ZNF532: variants seen among roughly 807,000 people sequenced by gnomAD.
The protein encoded by ZNF532 is zinc finger protein 532.
A neutral mutation model predicts 89.3 loss-of-function variants in ZNF532; 22 were observed. That is an observed-to-expected ratio of 0.25 (90% CI 0.18 to 0.35). The LOEUF (loss-of-function observed/expected upper bound fraction) is 0.35. Ranked by LOEUF, ZNF532 falls within the 10% of genes least tolerant of loss-of-function variation. The pLI is 1.00. For synonymous variants in ZNF532, 606 were observed against 649.6 expected (o/e 0.93, Z 1.02); for missense variants, 1,132 against 1,643.4 (o/e 0.69, Z 5.38).
rs1361025874 is a variant in ZNF532, at chr18:58,939,634, G to A, written c.2705+13G>A. ...TAGGAGAACCAAAGTAAGTCATACCGACTTTCAAGTTTTACTCCACTGCTT... is the reference window on the plus strand; with the variant it reads ...TAGGAGAACCAAAGTAAGTCATACCAACTTTCAAGTTTTACTCCACTGCTT... On this transcript the variant is annotated intron_variant, in intron 5 of 9. Coordinates refer to ENST00000591808, the MANE Select transcript of ZNF532 (RefSeq NM_001375912.1). The A allele has an allele frequency of 1.2e-6, 2 of 1,604,242 alleles. No individual in the cohort carries two copies. Among genetic ancestry groups the A allele is most frequent in the Admixed American group, 1.7e-5 (1 of 57,988 alleles).
intron 2 of ZNF532, among the ~76,000 whole-genome samples, chr18:58,905,322 A>G (rs2145755258): frequency 6.6e-6 from 1 of 152,212 alleles, no homozygotes; most frequent in East Asian, 1.9e-4. Context: ...CTTTGGAAGT[A>G]AAAGGATTAT....
At chr18:58,970,685 T>G (rs146817624) in intron 7 of ZNF532, among the ~76,000 whole-genome samples, 17 of 152,340 alleles carry the variant, frequency 1.1e-4, no homozygotes, top group African/African-American at 3.6e-4. Flanking sequence ...TTAATAAAGA[T>G]GTACCCAGTG....
At chr18:58,886,170 A>C (rs1446203991) in intron 2 of ZNF532, among the ~76,000 whole-genome samples, 1 of 151,916 alleles carries the variant, frequency 6.6e-6, no homozygotes, top group Non-Finnish European at 1.5e-5. Flanking sequence ...TAGTAGAGAC[A>C]GGGTTTCACC....
intron 7 of ZNF532, among the ~76,000 whole-genome samples, chr18:58,961,055 C>T (rs770051076): frequency 8.5e-5 from 13 of 152,196 alleles, no homozygotes; most frequent in Non-Finnish European, 1.9e-4. Flanking sequence ...AGCTAACACC[C>T]TTCCTTTGAC....
At position 58,934,483 on chromosome 18, in the gene ZNF532, A is replaced by G. The variant is rs1052685207; in HGVS notation, c.2397A>G (p.Ala799=). Residue 799 remains alanine (A), a synonymous_variant, in exon 4 of 10, where the codon GCA becomes GCG. Coordinates refer to ENST00000591808, the MANE Select transcript of ZNF532 (RefSeq NM_001375912.1). The stretch of plus-strand genomic sequence containing the variant: ...TGCTTCCTAACCAGTGCAGTTATGC[A>G]TCACACCAGAGAATCCATCAGCACA... ...QMLLPNQCSY[A]SHQRIHQHKS... 3 of 1,614,052 alleles carry G rather than the reference A, an allele frequency of 1.9e-6. No individual in the cohort carries two copies. Among genetic ancestry groups the G allele is most frequent in the African/African-American group, 1.3e-5 (1 of 74,934 alleles).
rs1442892891 is a variant in ZNF532, at chr18:58,865,394, A to G, written c.-128+9A>G. On this transcript the variant is annotated intron_variant, in intron 1 of 9. Transcript: ENST00000591808. ...ATTATGAAGGCCAAAAGGTAACAATATCGTTCTAGGAAATGAACATAAATG... is the reference window on the plus strand; with the variant it reads ...ATTATGAAGGCCAAAAGGTAACAATGTCGTTCTAGGAAATGAACATAAATG... 6.6e-6 allele frequency: 1 copy of G among 152,474 alleles called. No homozygotes were observed. Among genetic ancestry groups the G allele is most frequent in the Non-Finnish European group, 1.5e-5 (1 of 68,022 alleles). 9.4% of individuals were successfully genotyped at this position (152,474 alleles called of 1,614,324 possible).
chr18:58,909,766 T>C (rs2060169206), intron 2 of ZNF532, among the ~76,000 whole-genome samples: 1 of 152,192 alleles, frequency 6.6e-6, no homozygotes, highest in Non-Finnish European at 1.5e-5. Context: ...AGCGACGGCA[T>C]GCACTTTCAT....
chr18:58,940,475 G>C (rs954258588), intron 5 of ZNF532: 2 of 152,072 alleles, frequency 1.3e-5, no homozygotes, highest in African/African-American at 4.8e-5. Context: ...AAAAGGGGCT[G>C]CCTGCCTGCA....
In ZNF532 at chr18:58,919,272, C is replaced by T. The variant is rs1296173749; in HGVS notation, c.985C>T (p.Leu329=). 6.2e-7 allele frequency: 1 copy of T among 1,614,120 alleles called. No homozygotes were observed. Among genetic ancestry groups the T allele is most frequent in the Non-Finnish European group, 8.5e-7 (1 of 1,179,978 alleles). Residue 329 remains leucine, a synonymous_variant, in exon 3 of 10, where the codon CTG becomes TTG. Coordinates refer to ENST00000591808, the MANE Select transcript of ZNF532 (RefSeq NM_001375912.1). The surrounding 1 kb of genome is among the most constrained non-coding windows in gnomAD (Gnocchi z 6.1). ...NLIDGTKKPS[L]KQPDSPRSIS... is the part of the protein sequence containing the mutation. ...CATCGACGGGACCAAAAAACCATCC[C>T]TGAAGCAACCGGATAGTCCCAGAAG... is the stretch of plus-strand genomic sequence containing the variant.
intron 5 of ZNF532, among the ~76,000 whole-genome samples, chr18:58,941,963 T>C (rs561820389): frequency 0.045 from 4,819 of 106,480 alleles, 118 homozygotes; most frequent in Non-Finnish European, 0.06. Context: ...TCCCTCCCTC[T>C]CTCCCTCCCT....
At chr18:58,888,841 TTA>T (rs1474691279) in intron 2 of ZNF532, among the ~76,000 whole-genome samples, 392 of 38,772 alleles carry the variant, frequency 0.01, 16 homozygotes, top group East Asian at 0.026. Context: ...TATATATAAT[TTA>T]TATATATATA....
At chr18:58,886,933 C>T (rs547470970) in intron 2 of ZNF532, among the ~76,000 whole-genome samples, 34 of 152,224 alleles carry the variant, frequency 2.2e-4, no homozygotes, top group African/African-American at 7.9e-4. Flanking sequence ...TAGTAATCTC[C>T]TTAGTTGGAG....
intron 7 of ZNF532, chr18:58,954,155 G>T: frequency 1.0e-6 from 1 of 972,690 alleles, no homozygotes; most frequent in Non-Finnish European, 1.2e-6. Context: ...GAAGAAAGGA[G>T]CAGAGAAAGA....
At chr18:58,922,593 C>T (rs539597688) in intron 3 of ZNF532, among the ~76,000 whole-genome samples, 67 of 152,346 alleles carry the variant, frequency 4.4e-4, no homozygotes, top group African/African-American at 1.6e-3. Flanking sequence ...CATGGATGTC[C>T]TCCCATCTTG....
At position 58,963,603 on chromosome 18, in the gene ZNF532, ATGTGTGTGTGTGTGTG is replaced by A. The variant is rs60644289; in HGVS notation, c.3150+9832_3150+9847del. Among the ~76,000 whole-genome samples the A allele has an allele frequency of 3.6e-3, 522 of 143,878 alleles. 4 individuals carry two copies. Among genetic ancestry groups the A allele is most frequent in the Middle Eastern group, 0.014 (4 of 290 alleles). The allele number at this position is 143,878 out of a possible 152,430, so 94.4% of individuals were successfully genotyped here. On this transcript the variant is annotated intron_variant, in intron 7 of 9. Coordinates refer to ENST00000591808, the MANE Select transcript of ZNF532 (RefSeq NM_001375912.1). ...CTTGCACAGTATTTAAAAGAAAAAA[ATGTGTGTGTGTGTGTG>A]TGTGTGTGTGTGTGTGTGTGTGTGT...
intron 7 of ZNF532, among the ~76,000 whole-genome samples, chr18:58,976,594 G>A (rs1212621791): frequency 6.6e-6 from 1 of 151,870 alleles, no homozygotes; most frequent in East Asian, 1.9e-4. Flanking sequence ...TCACAGGCTG[G>A]AGTGCAGTAT....
At chr18:58,933,676 T>G (rs1037317314) in intron 3 of ZNF532, among the ~76,000 whole-genome samples, 1 of 152,234 alleles carries the variant, frequency 6.6e-6, no homozygotes, top group African/African-American at 2.4e-5. Context: ...ATACCATGTT[T>G]AGTGCCTATA....
chr18:58,922,359 A>G (rs62095478), intron 3 of ZNF532, among the ~76,000 whole-genome samples: 34,544 of 152,172 alleles, frequency 0.23, 4,596 homozygotes, highest in Middle Eastern at 0.38. Flanking sequence ...TGGGGAACAA[A>G]AGATCAAGAA....
chr18:58,948,369 A>C, intron 6 of ZNF532, 140 bp downstream of exon 6: 1 of 756,462 alleles, frequency 1.3e-6, no homozygotes, highest in Non-Finnish European at 2.1e-6. Context: ...TCAGTGAGCA[A>C]CTTACATGCT....
Sources: gnomAD v4.1 joint callset for allele counts (sites outside exome capture counted in the v4.1 genomes callset) on GRCh38, gnomAD v4.1.1 for gene constraint, Gnocchi (gnomAD v3.1) non-coding constraint, MANE v1.5 for transcripts, NCBI Gene and HGNC (gene_info 2026-07-23, HGNC 2026-07-21) for gene names.